Variants in THADA observed in about 807,000 individuals in gnomAD.
THADA encodes the protein THADA armadillo repeat containing.
A neutral mutation model predicts 219.8 loss-of-function variants in THADA; 213 were observed. The ratio of observed to expected loss-of-function variants is 0.97; its 90% CI spans 0.87 to 1.09. The LOEUF is 1.09. Ranked by LOEUF, THADA falls within the 50% of genes least tolerant of loss-of-function variation. THADA has a pLI of 0.00. For synonymous variants in THADA, 1,018 were observed against 828.9 expected, an observed-to-expected ratio of 1.23 and a Z score of -3.92; for missense variants, 2,956 against 2,311.3, an observed-to-expected ratio of 1.28 and a Z score of -5.72.
chr2:43,334,826 C>T (rs113284339), intron 30 of THADA, among the ~76,000 whole-genome samples: 5 of 152,144 alleles, frequency 3.3e-5, no homozygotes, highest in African/African-American at 1.2e-4. Flanking sequence ...GGCACTGAGG[C>T]CACTGGGATG....
intron 36 of THADA, among the ~76,000 whole-genome samples, chr2:43,253,242 C>T (rs558901618): frequency 2.6e-5 from 4 of 152,068 alleles, no homozygotes; most frequent in Non-Finnish European, 5.9e-5. Context: ...GAAAGGGAAT[C>T]GTGGCTGGAT....
chr2:43,263,859 A>C (rs1160638572), intron 36 of THADA, among the ~76,000 whole-genome samples: 1 of 152,132 alleles, frequency 6.6e-6, no homozygotes, highest in African/African-American at 2.4e-5. Context: ...CCCAGCATGC[A>C]TTAGCTATTT....
In THADA at chr2:43,356,475, C is replaced by G. The variant is rs143741167; in HGVS notation, c.4228-12238G>C. Among the ~76,000 whole-genome samples the G allele has an allele frequency of 1.7e-3, 261 of 152,138 alleles. 1 individual carries two copies. Among genetic ancestry groups the G allele is most frequent in the African/African-American group, 6.1e-3 (254 of 41,538 alleles). On this transcript the variant is annotated intron_variant, in intron 29 of 37. Coordinates refer to ENST00000405975, the MANE Select transcript of THADA (RefSeq NM_022065.5). Reference sequence around the variant, plus strand: ...ACTGAAAACTTTTATATAGCAAAAACTACTATGAAGATTAAAAAGTAAAGG... The same window carrying G: ...ACTGAAAACTTTTATATAGCAAAAAGTACTATGAAGATTAAAAAGTAAAGG...
At chr2:43,232,928 C>T in intron 36 of THADA, 46 bp from the exon 37 acceptor site, 1 of 1,553,012 alleles carries the variant, frequency 6.4e-7, no homozygotes, top group Non-Finnish European at 8.7e-7. Context: ...CTGCTCAGGG[C>T]CGACCCCAGG....
At chr2:43,446,795 C>G (rs1455127237) in intron 26 of THADA, among the ~76,000 whole-genome samples, 2 of 152,160 alleles carry the variant, frequency 1.3e-5, no homozygotes, top group Non-Finnish European at 2.9e-5. Context: ...TAACAAGGAG[C>G]ACACGATTTA....
At chr2:43,364,457 C>T (rs1669896132) in intron 29 of THADA, among the ~76,000 whole-genome samples, 1 of 152,126 alleles carries the variant, frequency 6.6e-6, no homozygotes, top group Non-Finnish European at 1.5e-5. Context: ...TGTTTCCTAG[C>T]CCTTAGCTTC....
intron 31 of THADA, among the ~76,000 whole-genome samples, chr2:43,301,001 A>G (rs1473951768): frequency 1.3e-5 from 2 of 152,156 alleles, no homozygotes; most frequent in African/African-American, 2.4e-5. Flanking sequence ...CCCTCAAGTA[A>G]AGGTAATGAC....
chr2:43,297,373 C>G lies in THADA; in HGVS notation c.4439-4160G>C, dbSNP rs1302020155. 1.6e-4 allele frequency among the ~76,000 whole-genome samples: 16 copies of G among 98,432 alleles called. 2 individuals are homozygous for G. The highest frequency in any genetic ancestry group is 4.5e-4 in the African/African-American group (6 of 13,400). 64.6% of individuals were successfully genotyped at this position (98,432 alleles called of 152,430 possible). On this transcript the variant is annotated intron_variant, in intron 31 of 37. Coordinates refer to ENST00000405975, the MANE Select transcript of THADA (RefSeq NM_022065.5). Reference sequence around the variant, plus strand: ...GCCCCGTCTGAGAAGTGAGGAGCCTCTCTGCCCGGCAGCCACCCCATCTGG... The same window carrying G: ...GCCCCGTCTGAGAAGTGAGGAGCCTGTCTGCCCGGCAGCCACCCCATCTGG...
At chr2:43,266,899 C>G (rs1338747048) in intron 36 of THADA, among the ~76,000 whole-genome samples, 2 of 152,204 alleles carry the variant, frequency 1.3e-5, no homozygotes, top group African/African-American at 4.8e-5. Flanking sequence ...CTCCCCTCTC[C>G]ACTTCCCCAT....
intron 29 of THADA, among the ~76,000 whole-genome samples, chr2:43,362,830 C>A (rs1014132970): frequency 6.6e-6 from 1 of 152,078 alleles, no homozygotes; most frequent in African/African-American, 2.4e-5. Context: ...AAAATAATTT[C>A]TTTATATCCT....
intron 31 of THADA, among the ~76,000 whole-genome samples, chr2:43,295,918 GT>G (rs35182242): frequency 0.12 from 15,615 of 128,168 alleles, 695 homozygotes; most frequent in African/African-American, 0.16. Context: ...AACCTCTACT[GT>G]TTTTTTTTTT....
At chr2:43,257,730 C>T (rs1670489460) in intron 36 of THADA, among the ~76,000 whole-genome samples, 1 of 152,126 alleles carries the variant, frequency 6.6e-6, no homozygotes, top group Non-Finnish European at 1.5e-5. Context: ...AGTTAAATTC[C>T]CCTGCTATTT....
At chr2:43,448,560 C>CTTTTTTTTTTTTTTT (rs71410179) in intron 26 of THADA, among the ~76,000 whole-genome samples, 6 of 103,618 alleles carry the variant, frequency 5.8e-5, no homozygotes, top group South Asian at 3.5e-4. Flanking sequence ...TTCTTCCTTT[C>CTTTTTTTTTTTTTTT]TTTTTTTTTT....
At chr2:43,589,787 C>T (rs1701365668) in intron 4 of THADA, among the ~76,000 whole-genome samples, 1 of 151,656 alleles carries the variant, frequency 6.6e-6, no homozygotes, top group African/African-American at 2.4e-5. Flanking sequence ...ACCACTTATT[C>T]ATGTAACCAA....
At chr2:43,281,060 C>T (rs977963999) in intron 35 of THADA, among the ~76,000 whole-genome samples, 7 of 152,160 alleles carry the variant, frequency 4.6e-5, no homozygotes, top group African/African-American at 1.4e-4. Flanking sequence ...CATGGAAGAC[C>T]ACCACGCAGC....
rs1667371026 is a variant in THADA at position 43,231,192 on chromosome 2, C to T, written c.5618G>A (p.Arg1873Lys). 1.2e-6 allele frequency: 2 copies of T among 1,613,850 alleles called. No homozygotes were observed. Among genetic ancestry groups the T allele is most frequent in the Non-Finnish European group, 8.5e-7 (1 of 1,179,806 alleles). Residue 1873 changes from arginine to lysine, a missense_variant, in exon 38 of 38, where the codon AGG (arginine) becomes AAG (lysine). By Grantham distance (26) the Arg-to-Lys change is conservative (BLOSUM62 2). Coordinates refer to ENST00000405975, the MANE Select transcript of THADA (RefSeq NM_022065.5). ...GAGGTGGCACTGCTCTGACACCATC[C>T]TTTGAAGGTGACAGAGCATCTCAGG... ...PSPEMLCHLQ[R>K]MVSEQCHLLS...
At chr2:43,262,716 G>A (rs914234644) in intron 36 of THADA, among the ~76,000 whole-genome samples, 16 of 152,076 alleles carry the variant, frequency 1.1e-4, no homozygotes, top group African/African-American at 3.6e-4. Flanking sequence ...TCTAACAAAC[G>A]TATTTGTACA....
chr2:43,575,512 C>T (rs554825701), intron 10 of THADA, among the ~76,000 whole-genome samples: 1 of 152,200 alleles, frequency 6.6e-6, no homozygotes, highest in African/African-American at 2.4e-5. Context: ...TATTCACTAC[C>T]TTGACTGTGA....
In THADA at chr2:43,320,454, T is replaced by C. The variant is rs1217751231; in HGVS notation, c.4430A>G (p.Asn1477Ser). 14 of 1,611,740 alleles carry C rather than the reference T, an allele frequency of 8.7e-6. No homozygotes were observed. Among genetic ancestry groups the C allele is most frequent in the East Asian group, 2.2e-5 (1 of 44,874 alleles). The change falls in exon 31 of 38, where the codon AAC (asparagine) becomes AGC (serine). Residue 1477 changes from asparagine to serine, a missense_variant. Asn to Ser is a conservative substitution (Grantham distance 46). Transcript: ENST00000405975. ...TCCLNRSAKD[N>S]QPVLESLGFW... ...ATAACTATGAATCATACCTGGCTGG[T>C]TGTCCTTTGCAGATCTGTTGAGGCA...
Sources: allele counts gnomAD v4.1 joint callset (sites outside exome capture counted in the v4.1 genomes callset), GRCh38; gene constraint gnomAD v4.1.1; transcripts MANE v1.5; gene names NCBI Gene and HGNC (gene_info 2026-07-23, HGNC 2026-07-21).